The following HPS1 variants were observed in gnomAD, a reference collection of about 807,000 sequenced individuals.
HPS1 encodes the protein BLOC-3 complex member HPS1.
HPS1 carries 59 observed loss-of-function variants against 90.6 expected under a neutral mutation model. The observed-to-expected ratio is 0.65, with a 90% CI of 0.53 to 0.81. The LOEUF is 0.81. HPS1 is among the 30% of genes least tolerant of loss of function. The pLI, the probability that HPS1 is intolerant of heterozygous loss-of-function variation, is 0.00. For missense variants in HPS1, 849 were observed against 896.7 expected, an observed-to-expected ratio of 0.95 and a Z score of 0.68; for synonymous variants, 388 against 384.4, an observed-to-expected ratio of 1.01 and a Z score of -0.11.
chr10:98,443,043 T>A, intron 3 of HPS1, 81 bp downstream of exon 3: 1 of 1,023,244 alleles, frequency 9.8e-7, no homozygotes, highest in South Asian at 1.3e-5. Flanking sequence ...GAACACAGGT[T>A]TTCCTGCCTC....
At chr10:98,437,453 C>G (rs767991587) in intron 3 of HPS1, among the ~76,000 whole-genome samples, 1 of 152,220 alleles carries the variant, frequency 6.6e-6, no homozygotes, top group Non-Finnish European at 1.5e-5. Flanking sequence ...TGGTCAGCAA[C>G]AGACCACGCA....
At chr10:98,433,386 A>G (rs1846799587) in intron 6 of HPS1, among the ~76,000 whole-genome samples, 2 of 152,178 alleles carry the variant, frequency 1.3e-5, no homozygotes, top group East Asian at 3.9e-4. Context: ...TGCTTGAAAG[A>G]GAATTTGGTT....
intron 5 of HPS1, among the ~76,000 whole-genome samples, chr10:98,434,892 C>T (rs1446307845): frequency 7.3e-6 from 1 of 137,400 alleles, no homozygotes; most frequent in African/African-American, 2.5e-5. Context: ...TTGTGTTTTT[C>T]TGGAGAGAGA....
At chr10:98,440,906 A>C (rs1277978122) in intron 3 of HPS1, among the ~76,000 whole-genome samples, 1 of 152,180 alleles carries the variant, frequency 6.6e-6, no homozygotes, top group Admixed American at 6.5e-5. Context: ...AATATTTAAA[A>C]ATTCTTAATT....
chr10:98,434,208 GC>G, intron 5 of HPS1, 117 bp from the exon 6 acceptor site: 1 of 1,000,562 alleles, frequency 1.0e-6, no homozygotes. Context: ...CATATGACCT[GC>G]CCACACAGCT....
intron 2 of HPS1, among the ~76,000 whole-genome samples, chr10:98,443,803 G>A (rs567915434): frequency 5.2e-4 from 79 of 152,212 alleles, no homozygotes; most frequent in African/African-American, 1.8e-3. Context: ...GAGGCCAAGG[G>A]GGGTGGATCA....
intron 7 of HPS1, 104 bp from the exon 8 acceptor site, chr10:98,430,774 T>G: frequency 2.2e-6 from 2 of 908,840 alleles, no homozygotes; most frequent in Non-Finnish European, 1.7e-6. Context: ...CAAGGAGCAA[T>G]GTACTTCTGG....
At position 98,417,970 on chromosome 10, in the gene HPS1, C is replaced by T. The variant is rs1478723072; in HGVS notation, c.1940+205G>A. Among the ~76,000 whole-genome samples the T allele has an allele frequency of 6.6e-6, 1 of 152,164 alleles. No homozygotes were observed. Among genetic ancestry groups the T allele is most frequent in the Admixed American group, 6.5e-5 (1 of 15,286 alleles). ...GTTCCCCGTGCTGCCAAGACCATGC[C>T]AGCAGGAAGGTGGTAGGAACACAGA... On this transcript the variant is annotated intron_variant, in intron 19 of 19. Coordinates refer to ENST00000361490, the MANE Select transcript of HPS1 (RefSeq NM_000195.5). This position sits in a 1 kb window ranked among gnomAD's most constrained non-coding sequence, Gnocchi z 4.2.
chr10:98,429,496 A>G lies in HPS1; in HGVS notation c.937+77T>C, dbSNP rs1269494422. ...CTTAGGAGGCACGGGGGTCCACTGG[A>G]GCCTAAGACAGATGTCCTGGGCTGC... On this transcript the variant is annotated intron_variant, in intron 10 of 19. Coordinates refer to ENST00000361490, the MANE Select transcript of HPS1 (RefSeq NM_000195.5). The G allele has an allele frequency of 1.9e-6, 3 of 1,611,234 alleles. No individual in the cohort carries two copies. In the East Asian group the frequency reaches 6.7e-5, roughly 36 times the overall value.
At position 98,435,548 on chromosome 10, in the gene HPS1, G is replaced by A. The variant is rs1234382504; in HGVS notation, c.255+87C>T. The A allele has an allele frequency of 1.2e-5, 20 of 1,607,006 alleles. No individual in the cohort carries two copies. The East Asian group carries it at 4.5e-4, about 36-fold the overall frequency. ...AAGATGCCGTTTCTGCCTTCTAAAG[G>A]AGTCTAAAGTTCCAAATAAGAGAGG... On this transcript the variant is annotated intron_variant, in intron 4 of 19. Transcript: ENST00000361490. This position sits in a 1 kb window ranked among gnomAD's most constrained non-coding sequence, Gnocchi z 4.3.
intron 17 of HPS1, 112 bp from the exon 18 acceptor site, chr10:98,420,270 G>T: frequency 1.3e-6 from 1 of 775,650 alleles, no homozygotes; most frequent in Non-Finnish European, 2.3e-6. Flanking sequence ...AGTGCCAGGG[G>T]CCTCTCCTAG....
intron 17 of HPS1, among the ~76,000 whole-genome samples, chr10:98,421,152 C>A (rs1243777048): frequency 6.6e-6 from 1 of 152,248 alleles, no homozygotes; most frequent in East Asian, 1.9e-4. Context: ...ACGGGAGGGA[C>A]AGGCGATCTG....
At chr10:98,423,393 A>C (rs1335180739) in intron 16 of HPS1, among the ~76,000 whole-genome samples, 1 of 150,642 alleles carries the variant, frequency 6.6e-6, no homozygotes. Context: ...GACAGGAGGA[A>C]TTCCTGAAAT....
Position 98,431,214 on chromosome 10 carries a change from G to C in HPS1, c.585C>G (p.Val195=). The change falls in exon 7 of 20, where the codon GTC becomes GTG. Residue 195 remains valine, a synonymous_variant. Coordinates refer to ENST00000361490, the MANE Select transcript of HPS1 (RefSeq NM_000195.5). The stretch of plus-strand genomic sequence containing the variant: ...CGCCTCCCCGCTCGGGGCTGGTGTT[G>C]ACAGCCTGGATGACGTGCCGCTCCA... ...EALERHVIQA[V]NTSPERGGEE... is the part of the protein sequence containing the mutation. 6.2e-7 allele frequency: 1 copy of C among 1,614,048 alleles called. No individual in the cohort carries two copies. Among genetic ancestry groups the C allele is most frequent in the Non-Finnish European group, 8.5e-7 (1 of 1,179,994 alleles).
chr10:98,446,454 C>A (rs946948368), intron 1 of HPS1, among the ~76,000 whole-genome samples: 1 of 152,246 alleles, frequency 6.6e-6, no homozygotes, highest in African/African-American at 2.4e-5. Flanking sequence ...TGGACCCCAG[C>A]AAACCTCCCT....
rs538973968 is a variant in HPS1 at position 98,422,957 on chromosome 10, G to A, written c.1599-444C>T. On this transcript the variant is annotated intron_variant, in intron 16 of 19. Transcript: ENST00000361490. ...AAGGCTCCCATTTGGGAGGGGAAGA[G>A]ACATCCATAGAAGGGCAGCAGCTGG... 1.8e-4 allele frequency among the ~76,000 whole-genome samples: 28 copies of A among 152,302 alleles called. No individual in the cohort carries two copies. The East Asian group carries it at 4.8e-3, about 26-fold the overall frequency.
At chr10:98,418,360 G>T in intron 18 of HPS1, 103 bp from the exon 19 acceptor site, 1 of 580,760 alleles carries the variant, frequency 1.7e-6, no homozygotes, top group Non-Finnish European at 3.1e-6. Flanking sequence ...ATGTGCGCTG[G>T]GTGCTTGGGA....
Position 98,420,111 on chromosome 10 carries a change from G to A in HPS1, c.1791C>T (p.Tyr597=), listed in dbSNP as rs764612179. 4.0e-5 allele frequency: 64 copies of A among 1,614,004 alleles called. No individual in the cohort carries two copies. Among genetic ancestry groups the A allele is most frequent in the Non-Finnish European group, 5.1e-5 (60 of 1,179,988 alleles). ...QLARRYLQKG[Y]TTLLFQEGDF... is the part of the protein sequence containing the mutation. ...CCCCCTCCTGGAACAGCAGCGTGGT[G>A]TAGCCCTTCTGCAGGTATCTGCGCG... The change falls in exon 18 of 20, where the codon TAC becomes TAT. Residue 597 remains tyrosine, a synonymous_variant. Coordinates refer to ENST00000361490, the MANE Select transcript of HPS1 (RefSeq NM_000195.5).
intron 17 of HPS1, among the ~76,000 whole-genome samples, chr10:98,421,482 C>A (rs1844842965): frequency 6.6e-6 from 1 of 152,172 alleles, no homozygotes; most frequent in African/African-American, 2.4e-5. Context: ...AAAATCATGT[C>A]TATAAAGAGT....
Sources: allele counts gnomAD v4.1 joint callset (sites outside exome capture counted in the v4.1 genomes callset), GRCh38; gene constraint gnomAD v4.1.1; non-coding constraint Gnocchi (gnomAD v3.1); transcripts MANE v1.5; gene names NCBI Gene and HGNC (gene_info 2026-07-23, HGNC 2026-07-21).